The following TMEM201 variants were observed in gnomAD, a reference collection of about 807,000 sequenced individuals.
The protein encoded by TMEM201 is RP13-15M17.2.
A neutral mutation model predicts 63.4 loss-of-function variants in TMEM201; 26 were observed. The observed-to-expected ratio is 0.41, with a 90% CI of 0.30 to 0.57. The LOEUF is 0.57. Among genes scored for constraint, TMEM201 ranks in the 20% least tolerant of loss-of-function variants. The pLI, the probability that TMEM201 is intolerant of heterozygous loss-of-function variation, is 0.29. For synonymous variants in TMEM201, 417 were observed against 421.6 expected (o/e 0.99, Z 0.14); for missense variants, 794 against 917.7 (o/e 0.87, Z 1.74).
intron 9 of TMEM201, 89 bp from the exon 10 acceptor site, chr1:9,611,664 C>A: frequency 6.6e-7 from 1 of 1,520,410 alleles, no homozygotes; most frequent in Non-Finnish European, 8.9e-7. Flanking sequence ...CTTCTGACAA[C>A]TGTCCTTAGA....
intron 1 of TMEM201, among the ~76,000 whole-genome samples, chr1:9,593,576 G>A (rs533049402): frequency 2.0e-5 from 3 of 152,206 alleles, no homozygotes; most frequent in African/African-American, 7.2e-5. Flanking sequence ...CCTCATTCTA[G>A]ATCAGTGGAG....
chr1:9,613,194 C>T lies in TMEM201; in HGVS notation c.*111C>T, dbSNP rs867795148. On this transcript the variant is annotated 3_prime_UTR_variant, in exon 11 of 11. Transcript: ENST00000340381. The stretch of plus-strand genomic sequence containing the variant: ...GCCACCTCTGCCCTCATCTCCAGGG[C>T]CTTGACCTCACTGGACTGTGACTGT... The T allele has an allele frequency of 2.3e-5, 23 of 1,016,916 alleles. No individual in the cohort carries two copies. The African/African-American group carries it at 2.9e-4, about 13-fold the overall frequency. 63.0% of individuals were successfully genotyped at this position (1,016,916 alleles called of 1,614,324 possible). A position where few individuals can be genotyped will look rare whatever the true frequency, so the allele number is the denominator to read the frequency against.
chr1:9,601,403 C>A lies in TMEM201; in HGVS notation c.905C>A (p.Ala302Glu). The change falls in exon 5 of 11, where the codon GCA becomes GAA. Residue 302 changes from alanine (A) to glutamate (E), a missense_variant. By Grantham distance (107) the Ala-to-Glu change is moderately radical (BLOSUM62 -1). Transcript: ENST00000340381. The part of the protein sequence containing the change: ...FGQSHQTGVV[A>E]LGLLTCLLAM... The stretch of plus-strand genomic sequence containing the variant: ...CAGAGCCACCAGACGGGCGTCGTGG[C>A]ACTGGGCCTACTCACCTGCCTGCTG... The A allele has an allele frequency of 6.2e-7, 1 of 1,600,834 alleles. No individual in the cohort carries two copies.
intron 2 of TMEM201, 141 bp from the exon 3 acceptor site, chr1:9,596,718 T>C (rs1644026588): frequency 2.4e-6 from 2 of 847,928 alleles, no homozygotes; most frequent in Admixed American, 5.9e-5. Flanking sequence ...CAGCTGCTGT[T>C]GTGTGCAGAA....
At chr1:9,599,284 G>C (rs1644089544) in intron 4 of TMEM201, among the ~76,000 whole-genome samples, 2 of 151,324 alleles carry the variant, frequency 1.3e-5, no homozygotes, top group Admixed American at 1.3e-4. Context: ...GTTTCACACT[G>C]TCGCCCAGGC....
intron 1 of TMEM201, among the ~76,000 whole-genome samples, chr1:9,590,727 G>A (rs1175302659): frequency 6.6e-6 from 1 of 152,196 alleles, no homozygotes; most frequent in East Asian, 1.9e-4. Flanking sequence ...GGCCGAGAAG[G>A]GCCAGCCTTT....
At chr1:9,597,446 G>A (rs778117915) in intron 3 of TMEM201, among the ~76,000 whole-genome samples, 1 of 152,224 alleles carries the variant, frequency 6.6e-6, no homozygotes, top group Non-Finnish European at 1.5e-5. Flanking sequence ...CTCTGAATCA[G>A]CCTTGCCTGC....
chr1:9,597,728 G>A (rs1236146581), intron 3 of TMEM201, among the ~76,000 whole-genome samples: 1 of 152,214 alleles, frequency 6.6e-6, no homozygotes, highest in African/African-American at 2.4e-5. Flanking sequence ...AGCCTGGGAG[G>A]GAGGGAGAAC....
At position 9,597,047 on chromosome 1, in the gene TMEM201, C is replaced by A. The variant is rs368297464; in HGVS notation, c.423C>A (p.Arg141=). Residue 141 remains arginine (R), a synonymous_variant, in exon 3 of 11, where the codon CGC becomes CGA. Coordinates refer to ENST00000340381, the MANE Select transcript of TMEM201 (RefSeq NM_001130924.3). ...KIKQLAAFAP[R]EEGRYDEEVE... is the part of the protein sequence containing the mutation. The stretch of plus-strand genomic sequence containing the variant: ...AGCAGCTGGCCGCCTTCGCTCCCCG[C>A]GAGGAGGTGAGGCCGGGTTGGGAGG... 3 of 1,602,392 alleles carry A rather than the reference C, an allele frequency of 1.9e-6. No individual in the cohort carries two copies. Among genetic ancestry groups the A allele is most frequent in the South Asian group, 2.2e-5 (2 of 90,586 alleles).
intron 2 of TMEM201, 31 bp downstream of exon 2, chr1:9,596,041 C>T (rs1644013405): frequency 6.2e-7 from 1 of 1,604,734 alleles, no homozygotes; most frequent in East Asian, 2.2e-5. Context: ...GACGGGTGGG[C>T]ACGCGGGGGT....
intron 1 of TMEM201, among the ~76,000 whole-genome samples, chr1:9,593,029 C>G (rs1643947240): frequency 1.3e-5 from 2 of 152,356 alleles, no homozygotes; most frequent in African/African-American, 4.8e-5. Flanking sequence ...GTCCCAGAGT[C>G]AAGTTAAGGA....
chr1:9,612,754 G>A (rs1469666876), intron 10 of TMEM201, among the ~76,000 whole-genome samples: 2 of 152,166 alleles, frequency 1.3e-5, no homozygotes, highest in African/African-American at 4.8e-5. Flanking sequence ...TGGCCTTCCT[G>A]GCGGCTCAGG....
At chr1:9,596,102 C>G in intron 2 of TMEM201, 92 bp downstream of exon 2, 1 of 1,503,684 alleles carries the variant, frequency 6.7e-7, no homozygotes, top group Non-Finnish European at 9.0e-7. Context: ...CTGCCCTGCC[C>G]CGGGGCTCAT....
rs1202305376 is a variant in TMEM201 at position 9,588,992 on chromosome 1, G to T, written c.62G>T (p.Gly21Val). ...ACGGCCGGCCTGGCCGGCGGCCTGGGGGTCACGGCGTGCGCCGCGGCCGGC... is the reference window on the plus strand; with the variant it reads ...ACGGCCGGCCTGGCCGGCGGCCTGGTGGTCACGGCGTGCGCCGCGGCCGGC... ...CPTAGLAGGLGVTACAAAGVL... is the reference protein window; with the variant it reads ...CPTAGLAGGLVVTACAAAGVL... The change falls in exon 1 of 11, where the codon GGG (glycine) becomes GTG (valine). Residue 21 changes from glycine to valine, a missense_variant. Gly to Val is a moderately radical substitution (Grantham distance 109). Transcript: ENST00000340381. 1 of 1,203,802 alleles carries T rather than the reference G, an allele frequency of 8.3e-7. No homozygotes were observed. The highest frequency in any genetic ancestry group is 1.0e-6 in the Non-Finnish European group (1 of 960,426). The allele number at this position is 1,203,802 out of a possible 1,614,324, so 74.6% of individuals were successfully genotyped here. A position where few individuals can be genotyped will look rare whatever the true frequency, so the allele number is the denominator to read the frequency against.
intron 10 of TMEM201, 84 bp downstream of exon 10, chr1:9,611,974 C>G: frequency 2.1e-6 from 3 of 1,415,008 alleles, no homozygotes; most frequent in Non-Finnish European, 2.8e-6. Context: ...AGAGCACTGA[C>G]AGAAAGAATC....
Position 9,588,914 on chromosome 1 carries a change from C to A in TMEM201, c.-17C>A. ...CCTACCCCCCTGCCGGCCTGCCGTC[C>A]TTCCACGCGGAGAGCCATGGAGGGA... On this transcript the variant is annotated 5_prime_UTR_variant, in exon 1 of 11. Coordinates refer to ENST00000340381, the MANE Select transcript of TMEM201 (RefSeq NM_001130924.3). 1 of 1,255,874 alleles carries A rather than the reference C, an allele frequency of 8.0e-7. No individual in the cohort carries two copies. Among genetic ancestry groups the A allele is most frequent in the South Asian group, 1.5e-5 (1 of 65,034 alleles). The allele number at this position is 1,255,874 out of a possible 1,614,324, so 77.8% of individuals were successfully genotyped here.
intron 1 of TMEM201, among the ~76,000 whole-genome samples, chr1:9,591,313 C>T (rs1433916613): frequency 6.6e-6 from 1 of 152,264 alleles, no homozygotes; most frequent in African/African-American, 2.4e-5. Context: ...TGCCCCACAT[C>T]ACCCGGCTGT....
At chr1:9,602,622 C>A in intron 6 of TMEM201, 17 of 1,205,808 alleles carry the variant, frequency 1.4e-5, no homozygotes, top group Non-Finnish European at 1.8e-5. Flanking sequence ...CTCCAGGCAC[C>A]CCCCTCTCAC....
chr1:9,598,654 TG>T (rs35924062), intron 4 of TMEM201, 29 bp downstream of exon 4: 4 of 1,593,294 alleles, frequency 2.5e-6, no homozygotes, highest in Non-Finnish European at 3.4e-6. Flanking sequence ...AGGGCGGGGG[TG>T]GGGGTGTTGA....
Sources: allele counts gnomAD v4.1 joint callset (sites outside exome capture counted in the v4.1 genomes callset), GRCh38; gene constraint gnomAD v4.1.1; transcripts MANE v1.5; gene names NCBI Gene and HGNC (gene_info 2026-07-23, HGNC 2026-07-21).